HSPA12A: variants seen among roughly 807,000 people sequenced by gnomAD.
HSPA12A encodes heat shock 70 kDa protein 12A.
Under a neutral mutation model 69.2 loss-of-function variants are expected in HSPA12A, and 28 were observed. The observed-to-expected ratio is 0.40, with a 90% CI of 0.30 to 0.55. The LOEUF (loss-of-function observed/expected upper bound fraction) is 0.55. Ranked by LOEUF, HSPA12A falls within the 20% of genes least tolerant of loss-of-function variation. The pLI is 0.38. For synonymous variants in HSPA12A, 345 were observed against 370.5 expected (o/e 0.93, Z 0.79); for missense variants, 686 against 900.7 (o/e 0.76, Z 3.05).
At chr10:116,736,236 T>A (rs993770213) in intron 1 of HSPA12A, among the ~76,000 whole-genome samples, 3 of 152,154 alleles carry the variant, frequency 2.0e-5, no homozygotes, top group Non-Finnish European at 4.4e-5. Flanking sequence ...AGGACCCTAC[T>A]GAGATTGAAT....
rs77369548 is a variant in HSPA12A, at chr10:116,674,447, G to A, written c.*334C>T. The A allele has an allele frequency of 6.1e-3, 1,680 of 275,456 alleles. 34 individuals are homozygous for A. Among genetic ancestry groups the A allele is most frequent in the African/African-American group, 0.033 (1,569 of 47,172 alleles). 17.1% of individuals were successfully genotyped at this position (275,456 alleles called of 1,614,324 possible). ...TAGGGCATCCTAAATTCTACATAAC[G>A]GAGATCTGTTCAAAGCAGCGCAACC... On this transcript the variant is annotated 3_prime_UTR_variant, in exon 12 of 12. Coordinates refer to ENST00000369209, the MANE Select transcript of HSPA12A (RefSeq NM_025015.3).
At position 116,681,132 on chromosome 10, in the gene HSPA12A, T is replaced by C; in HGVS notation, c.1027+20A>G. On this transcript the variant is annotated intron_variant, in intron 9 of 11. Coordinates refer to ENST00000369209, the MANE Select transcript of HSPA12A (RefSeq NM_025015.3). ...TGGAATTGGCTCAGGAATAAGAAAA[T>C]TAGCCCTGCAGGGCCTCACCTGTTG... 1 of 1,547,936 alleles carries C rather than the reference T, an allele frequency of 6.5e-7. No homozygotes were observed. Among genetic ancestry groups the C allele is most frequent in the East Asian group, 2.2e-5 (1 of 44,446 alleles).
intron 2 of HSPA12A, among the ~76,000 whole-genome samples, chr10:116,782,132 C>G (rs1408412446): frequency 6.6e-6 from 1 of 152,182 alleles, no homozygotes; most frequent in Non-Finnish European, 1.5e-5. Flanking sequence ...CGCAGAGATG[C>G]TCAACCTCAG....
chr10:116,715,039 C>T (rs1374175386), intron 1 of HSPA12A, among the ~76,000 whole-genome samples: 2 of 152,130 alleles, frequency 1.3e-5, no homozygotes, highest in Non-Finnish European at 2.9e-5. Flanking sequence ...GGGGGAAACT[C>T]GACAAGAGAG....
chr10:116,842,966 C>G (rs1160079452), intron 1 of HSPA12A, among the ~76,000 whole-genome samples: 1 of 152,186 alleles, frequency 6.6e-6, no homozygotes, highest in Non-Finnish European at 1.5e-5. Flanking sequence ...TACCCTACTT[C>G]CAGTTTCATT....
upstream of HSPA12A, among the ~76,000 whole-genome samples, chr10:116,747,528 A>G (rs1230863417): frequency 2.6e-5 from 4 of 152,222 alleles, no homozygotes; most frequent in African/African-American, 9.6e-5. Context: ...AACTGGCATG[A>G]TCACGTGACC....
At chr10:116,737,967 GGGGGTGCCC>G (rs1851364408) in intron 1 of HSPA12A, among the ~76,000 whole-genome samples, 1 of 152,220 alleles carries the variant, frequency 6.6e-6, no homozygotes, top group Non-Finnish European at 1.5e-5. Context: ...GCCCAGGCCT[GGGGGTGCCC>G]GCAGTGGCAG....
chr10:116,676,945 G>A (rs1012344941), intron 10 of HSPA12A, among the ~76,000 whole-genome samples: 4 of 152,196 alleles, frequency 2.6e-5, no homozygotes, highest in Admixed American at 6.5e-5. Flanking sequence ...CCTGTCAGGT[G>A]ACAGAGTAAG....
chr10:116,688,101 C>A (rs1849629081), intron 6 of HSPA12A, among the ~76,000 whole-genome samples: 1 of 152,158 alleles, frequency 6.6e-6, no homozygotes, highest in African/African-American at 2.4e-5. Flanking sequence ...AAAGATTGGA[C>A]ACCCCTGTTA....
At chr10:116,740,280 G>C (rs542545484) in intron 1 of HSPA12A, among the ~76,000 whole-genome samples, 32 of 152,312 alleles carry the variant, frequency 2.1e-4, no homozygotes, top group Non-Finnish European at 3.8e-4. Context: ...TTTGTTGTGA[G>C]CCTTTAAAAC....
intron 2 of HSPA12A, among the ~76,000 whole-genome samples, chr10:116,807,950 G>A (rs1320074482): frequency 1.3e-5 from 2 of 152,218 alleles, no homozygotes; most frequent in Non-Finnish European, 2.9e-5. Flanking sequence ...GGATCAGTCA[G>A]CACTGCTGGG....
intron 4 of HSPA12A, among the ~76,000 whole-genome samples, chr10:116,699,053 T>C (rs1589639651): frequency 2.6e-5 from 4 of 152,132 alleles, no homozygotes; most frequent in Admixed American, 2.6e-4. Flanking sequence ...GAAGAGAGAA[T>C]AGGCAGCAGG....
At chr10:116,827,610 G>C (rs1315146934) in intron 2 of HSPA12A, 2 of 152,296 alleles carry the variant, frequency 1.3e-5, no homozygotes, top group Non-Finnish European at 2.9e-5. Flanking sequence ...AACACCGCAG[G>C]GCCAGCGCAG....
chr10:116,680,595 C>T (rs1554878427), intron 9 of HSPA12A, among the ~76,000 whole-genome samples: 1 of 152,210 alleles, frequency 6.6e-6, no homozygotes, highest in Non-Finnish European at 1.5e-5. Context: ...AAGCAATTCT[C>T]CTGCCTCAGC....
intron 1 of HSPA12A, among the ~76,000 whole-genome samples, chr10:116,707,656 C>T (rs1340795105): frequency 6.6e-6 from 1 of 152,158 alleles, no homozygotes; most frequent in Middle Eastern, 3.2e-3. Flanking sequence ...CCTGTAGCCA[C>T]CTGAAATTAT....
intron 2 of HSPA12A, among the ~76,000 whole-genome samples, chr10:116,775,109 G>T (rs901393419): frequency 1.3e-5 from 2 of 152,224 alleles, no homozygotes; most frequent in Non-Finnish European, 2.9e-5. Context: ...TGCCCCCAAG[G>T]GATTGGGCCA....
At chr10:116,771,114 TA>T (rs1420365335) in intron 2 of HSPA12A, among the ~76,000 whole-genome samples, 24 of 152,210 alleles carry the variant, frequency 1.6e-4, no homozygotes, top group African/African-American at 5.8e-4. Context: ...CCCGAGTCTG[TA>T]GATGGAGACA....
At chr10:116,733,054 G>A (rs1554886029) in intron 1 of HSPA12A, among the ~76,000 whole-genome samples, 1 of 152,144 alleles carries the variant, frequency 6.6e-6, no homozygotes, top group Admixed American at 6.5e-5. Context: ...TGCTGGCCCA[G>A]GGAAACCACC....
At chr10:116,834,927 T>C in intron 2 of HSPA12A, 1 of 1,227,546 alleles carries the variant, frequency 8.1e-7, no homozygotes, top group South Asian at 4.1e-5. Flanking sequence ...CATTAGTTAA[T>C]TTCCTACCTG....
Sources: gnomAD v4.1 joint callset for allele counts (sites outside exome capture counted in the v4.1 genomes callset) on GRCh38, gnomAD v4.1.1 for gene constraint, MANE v1.5 for transcripts, NCBI Gene and HGNC (gene_info 2026-07-23, HGNC 2026-07-21) for gene names.